The following GNG5 variants were observed in gnomAD, a reference collection of about 807,000 sequenced individuals.
The protein encoded by GNG5 is G protein subunit gamma 5.
A neutral mutation model predicts 6.2 loss-of-function variants in GNG5; 2 were observed. That is an observed-to-expected ratio of 0.32 (90% CI 0.13 to 1.01). The LOEUF (loss-of-function observed/expected upper bound fraction) is 1.01. Ranked by LOEUF, GNG5 falls within the 50% of genes least tolerant of loss-of-function variation. The probability of loss-of-function intolerance (pLI) is 0.48; values close to 1 mark genes in which losing one functional copy is unlikely to be tolerated. For missense variants in GNG5, 57 were observed against 80.2 expected, an observed-to-expected ratio of 0.71 and a Z score of 1.10; for synonymous variants, 24 against 33.0, an observed-to-expected ratio of 0.73 and a Z score of 0.93.
At chr1:84,502,360 T>C (rs1682076850) in intron 2 of GNG5, among the ~76,000 whole-genome samples, 1 of 151,860 alleles carries the variant, frequency 6.6e-6, no homozygotes, top group Non-Finnish European at 1.5e-5. Flanking sequence ...TCTCTCTCTC[T>C]TGACCTCGTG....
intron 2 of GNG5, among the ~76,000 whole-genome samples, 192 bp downstream of exon 2, chr1:84,505,819 C>G (rs1045641820): frequency 1.3e-5 from 2 of 152,226 alleles, no homozygotes; most frequent in African/African-American, 4.8e-5. Flanking sequence ...AATCGTCCCC[C>G]TAAAACACAG....
intron 2 of GNG5, among the ~76,000 whole-genome samples, chr1:84,503,396 G>A (rs146564201): frequency 4.9e-4 from 75 of 152,244 alleles, no homozygotes; most frequent in African/African-American, 1.4e-3. Flanking sequence ...TTCATCCTAA[G>A]ATGAATCTAA....
At chr1:84,498,724 T>G (rs911764432) in intron 3 of GNG5, among the ~76,000 whole-genome samples, 176 bp from the exon 4 acceptor site, 1 of 152,208 alleles carries the variant, frequency 6.6e-6, no homozygotes, top group African/African-American at 2.4e-5. Flanking sequence ...TCATTCCTGT[T>G]TTATAAACAG....
Position 84,506,023 on chromosome 1 carries a change from G to C in GNG5, c.69C>G (p.Leu23=), listed in dbSNP as rs750204585. ...CGCCCCCGCTCACTTTTACGCGGTT[G>C]AGTCCGGCCTCCAGCCGGAGCTGTT... ...VVQQLRLEAG[L]NRVKVSQAAA... Residue 23 remains leucine, a synonymous_variant, in exon 2 of 4, where the codon CTC becomes CTG. Coordinates refer to ENST00000370645, the MANE Select transcript of GNG5 (RefSeq NM_005274.3). 3.2e-6 allele frequency: 5 copies of C among 1,563,540 alleles called. No homozygotes were observed. The highest frequency in any genetic ancestry group is 4.3e-6 in the Non-Finnish European group (5 of 1,157,688).
intron 2 of GNG5, 59 bp downstream of exon 2, chr1:84,505,952 G>A (rs1682195678): frequency 5.0e-6 from 6 of 1,190,638 alleles, no homozygotes; most frequent in Non-Finnish European, 5.6e-6. Flanking sequence ...CAGCTGGGCC[G>A]CCGGATCCCA....
In GNG5 at chr1:84,506,170, C is replaced by A; in HGVS notation, c.-79G>T. 8.3e-7 allele frequency: 1 copy of A among 1,200,192 alleles called. No individual in the cohort carries two copies. Among genetic ancestry groups the A allele is most frequent in the Non-Finnish European group, 1.1e-6 (1 of 869,920 alleles). 74.3% of individuals were successfully genotyped at this position (1,200,192 alleles called of 1,614,324 possible). On this transcript the variant is annotated 5_prime_UTR_variant, in exon 2 of 4. Coordinates refer to ENST00000370645, the MANE Select transcript of GNG5 (RefSeq NM_005274.3). Reference sequence around the variant, plus strand: ...TCGGCGGGGCCAGACAACTCAGCGGCGCGCGGCGGGGGCGGGGCTCCGAAC... The same window carrying A: ...TCGGCGGGGCCAGACAACTCAGCGGAGCGCGGCGGGGGCGGGGCTCCGAAC...
Position 84,501,799 on chromosome 1 carries a change from TTTTG to T in GNG5, c.*19+23_*19+26del, listed in dbSNP as rs746752998. The T allele has an allele frequency of 1.6e-4, 240 of 1,471,114 alleles. 1 individual carries two copies. Among genetic ancestry groups the T allele is most frequent in the Non-Finnish European group, 1.2e-4 (124 of 1,052,924 alleles). The allele number at this position is 1,471,114 out of a possible 1,614,324, so 91.1% of individuals were successfully genotyped here. A position where few individuals can be genotyped will look rare whatever the true frequency, so the allele number is the denominator to read the frequency against. On this transcript the variant is annotated intron_variant, in intron 3 of 3. Transcript: ENST00000370645. ...GACTAGTTATTCCTACAGTGTGGGT[TTTTG>T]TTTTAAATTTAAGGAAACTTACCTT... is the stretch of plus-strand genomic sequence containing the variant.
intron 2 of GNG5, 143 bp downstream of exon 2, chr1:84,505,868 C>T: frequency 3.9e-6 from 2 of 513,218 alleles, no homozygotes; most frequent in East Asian, 4.0e-5. Flanking sequence ...GCTGGCCGCT[C>T]CCCGATCGCC....
At chr1:84,498,895 T>C (rs1681996136) in intron 3 of GNG5, among the ~76,000 whole-genome samples, 1 of 152,204 alleles carries the variant, frequency 6.6e-6, no homozygotes, top group African/African-American at 2.4e-5. Context: ...AAGTAAAGGA[T>C]GCAACCACAC....
In GNG5 at chr1:84,501,931, G is replaced by T. The variant is rs778450194; in HGVS notation, c.121C>A (p.Gln41Lys). 2.7e-5 allele frequency: 44 copies of T among 1,609,268 alleles called. No homozygotes were observed. The highest frequency in any genetic ancestry group is 3.7e-5 in the Non-Finnish European group (43 of 1,175,686). ...AGCAGAGGGTCATGTTGAGCATTCT[G>T]CAGACAGAACTGTTTCAAGTCTGCA... ...AAADLKQFCL[Q>K]NAQHDPLLTG... Residue 41 changes from glutamine (Q) to lysine (K), a missense_variant, in exon 3 of 4, where the codon CAG (glutamine) becomes AAG (lysine). Gln to Lys is a moderately conservative substitution (Grantham distance 53, BLOSUM62 1). Transcript: ENST00000370645.
intron 3 of GNG5, among the ~76,000 whole-genome samples, chr1:84,501,453 T>C (rs537628183): frequency 1.4e-3 from 213 of 151,866 alleles, no homozygotes; most frequent in African/African-American, 4.8e-3. Context: ...TGCAGATTTT[T>C]TAAAAACTGT....
At chr1:84,502,384 G>A (rs1341523549) in intron 2 of GNG5, among the ~76,000 whole-genome samples, 1 of 151,742 alleles carries the variant, frequency 6.6e-6, no homozygotes, top group Non-Finnish European at 1.5e-5. Flanking sequence ...CGCCCACCTC[G>A]GCCTCCCAAA....
In GNG5 at chr1:84,506,143, G is replaced by A. The variant is rs1332114332; in HGVS notation, c.-52C>T. The A allele has an allele frequency of 6.7e-7, 1 of 1,487,656 alleles. No individual in the cohort carries two copies. The highest frequency in any genetic ancestry group is 9.1e-7 in the Non-Finnish European group (1 of 1,096,620). The allele number at this position is 1,487,656 out of a possible 1,614,324, so 92.2% of individuals were successfully genotyped here. A position where few individuals can be genotyped will look rare whatever the true frequency, so the allele number is the denominator to read the frequency against. ...GTGGGTCGGTGGGTCGTGGGCCGTGGGTCGGCGGGGCCAGACAACTCAGCG... is the reference window on the plus strand; with the variant it reads ...GTGGGTCGGTGGGTCGTGGGCCGTGAGTCGGCGGGGCCAGACAACTCAGCG... On this transcript the variant is annotated 5_prime_UTR_variant, in exon 2 of 4. Transcript: ENST00000370645.
At chr1:84,499,955 C>T (rs1246739614) in intron 3 of GNG5, among the ~76,000 whole-genome samples, 9 of 152,112 alleles carry the variant, frequency 5.9e-5, no homozygotes, top group African/African-American at 2.2e-4. Flanking sequence ...AGTAGCCGGG[C>T]GTGGTGGTGT....
chr1:84,500,572 C>T lies in GNG5; in HGVS notation c.*19+1254G>A, dbSNP rs564267526. ...AAAAATATGAAACTTCCAAAAACTA[C>T]CATGAAGAATTAAATGAATAGTACC... On this transcript the variant is annotated intron_variant, in intron 3 of 3. Transcript: ENST00000370645. Among the ~76,000 whole-genome samples the T allele has an allele frequency of 2.6e-5, 4 of 151,956 alleles. No individual in the cohort carries two copies. The South Asian group carries it at 8.3e-4, about 32-fold the overall frequency.
chr1:84,505,973 C>T lies in GNG5; in HGVS notation c.81+38G>A, dbSNP rs901704283. 5.0e-6 allele frequency: 7 copies of T among 1,409,528 alleles called. No individual in the cohort carries two copies. In the African/African-American group the frequency reaches 6.0e-5, roughly 12 times the overall value. 87.3% of individuals were successfully genotyped at this position (1,409,528 alleles called of 1,614,324 possible). On this transcript the variant is annotated intron_variant, in intron 2 of 3. Transcript: ENST00000370645. ...GGCCGCCGGATCCCACCCGCCGCCG[C>T]CGCCTTCCTCCCGCCTCGGCCGCCC...
chr1:84,499,139 T>C (rs1412677455), intron 3 of GNG5, among the ~76,000 whole-genome samples: 1 of 152,138 alleles, frequency 6.6e-6, no homozygotes, highest in African/African-American at 2.4e-5. Flanking sequence ...ACTAAAAGAT[T>C]TAAAAAATGA....
At chr1:84,502,455 C>A (rs1006642115) in intron 2 of GNG5, among the ~76,000 whole-genome samples, 1 of 152,112 alleles carries the variant, frequency 6.6e-6, no homozygotes, top group African/African-American at 2.4e-5. Context: ...ATACTTAAAA[C>A]TAGTGCTTGC....
At chr1:84,504,773 G>C (rs779682385) in intron 2 of GNG5, among the ~76,000 whole-genome samples, 1 of 152,158 alleles carries the variant, frequency 6.6e-6, no homozygotes, top group South Asian at 2.1e-4. Flanking sequence ...ACACCAAGAC[G>C]AATGAGAATT....
Sources: allele counts gnomAD v4.1 joint callset (sites outside exome capture counted in the v4.1 genomes callset), GRCh38; gene constraint gnomAD v4.1.1; transcripts MANE v1.5; gene names NCBI Gene and HGNC (gene_info 2026-07-23, HGNC 2026-07-21).